Variants in TAB2 observed in about 807,000 individuals in gnomAD.
TAB2 encodes TGF-beta activated kinase 1 (MAP3K7) binding protein 2, also known as TGF-beta-activated kinase 1 and MAP3K7-binding protein 2.
A neutral mutation model predicts 65.0 loss-of-function variants in TAB2; 3 were observed. The observed-to-expected ratio is 0.05, with a 90% CI of 0.02 to 0.12. The LOEUF (loss-of-function observed/expected upper bound fraction) is 0.12, where lower values mean the gene tolerates loss of function less well. TAB2 is among the 10% of genes least tolerant of loss of function. TAB2 has a pLI of 1.00. For missense variants in TAB2, 623 were observed against 840.3 expected, an observed-to-expected ratio of 0.74 and a Z score of 3.20; for synonymous variants, 298 against 285.1, an observed-to-expected ratio of 1.05 and a Z score of -0.46.
chr6:149,382,407 C>T (rs1583144484), intron 3 of TAB2, among the ~76,000 whole-genome samples: 1 of 152,086 alleles, frequency 6.6e-6, no homozygotes, highest in East Asian at 1.9e-4. Flanking sequence ...ACCAGCCTGG[C>T]CAACAGGGTG....
intron 3 of TAB2, among the ~76,000 whole-genome samples, chr6:149,383,811 G>C (rs1032876831): frequency 1.4e-4 from 21 of 152,146 alleles, no homozygotes; most frequent in African/African-American, 5.1e-4. Flanking sequence ...TCGAACTCCT[G>C]ACCTCAGGCA....
At chr6:149,301,536 C>G (rs1191737626) in intron 1 of TAB2, among the ~76,000 whole-genome samples, 1 of 152,190 alleles carries the variant, frequency 6.6e-6, no homozygotes, top group Non-Finnish European at 1.5e-5. Flanking sequence ...ATACATTCAT[C>G]AAGAAAGCAT....
intron 2 of TAB2, among the ~76,000 whole-genome samples, chr6:149,376,993 CAAGTT>C (rs1427419369): frequency 6.7e-6 from 1 of 150,298 alleles, no homozygotes; most frequent in Non-Finnish European, 1.5e-5. Flanking sequence ...AGGGATTACA[CAAGTT>C]AAGAGGAAGC....
At chr6:149,367,406 A>G (rs776021824) in intron 1 of TAB2, among the ~76,000 whole-genome samples, 3 of 152,132 alleles carry the variant, frequency 2.0e-5, no homozygotes, top group Non-Finnish European at 4.4e-5. Context: ...GCCCTAAGGG[A>G]AGAACAAGAG....
chr6:149,328,585 C>T (rs481769), intron 1 of TAB2, among the ~76,000 whole-genome samples: 18,592 of 152,186 alleles, frequency 0.12, 1,739 homozygotes, highest in East Asian at 0.51. Flanking sequence ...AGCCACCGCA[C>T]CCGGCCTCTA....
chr6:149,246,308 C>A (rs1326301816), intron 1 of TAB2: 2 of 152,170 alleles, frequency 1.3e-5, no homozygotes, highest in African/African-American at 2.4e-5. Flanking sequence ...TCTGTTCAGG[C>A]CTAAAATTTC....
intron 1 of TAB2, among the ~76,000 whole-genome samples, chr6:149,359,767 G>C (rs1377483162): frequency 6.6e-6 from 1 of 152,112 alleles, no homozygotes; most frequent in Admixed American, 6.5e-5. Flanking sequence ...TGGCACCAGG[G>C]AATTTTTTTC....
intron 1 of TAB2, among the ~76,000 whole-genome samples, chr6:149,268,580 T>C (rs187760229): frequency 6.6e-6 from 1 of 152,308 alleles, no homozygotes; most frequent in East Asian, 1.9e-4. Context: ...CTCGGAGCAA[T>C]TGGACTTAGT....
chr6:149,246,677 T>A (rs1423932128), intron 1 of TAB2: 1 of 152,086 alleles, frequency 6.6e-6, no homozygotes, highest in Non-Finnish European at 1.5e-5. Flanking sequence ...TGGGCGCTCT[T>A]TTTTGTATGA....
chr6:149,395,200 T>C (rs1215486382), intron 3 of TAB2, among the ~76,000 whole-genome samples: 3 of 152,382 alleles, frequency 2.0e-5, no homozygotes, highest in East Asian at 1.9e-4. Flanking sequence ...CCTCAACTTA[T>C]TAAAATAATA....
At chr6:149,227,458 A>G (rs956234523) in intron 1 of TAB2, among the ~76,000 whole-genome samples, 2 of 152,110 alleles carry the variant, frequency 1.3e-5, no homozygotes, top group African/African-American at 4.8e-5. Flanking sequence ...CAAGAGAAAG[A>G]GCGTCATGTT....
At chr6:149,304,857 G>A (rs1779033837) in intron 1 of TAB2, among the ~76,000 whole-genome samples, 1 of 152,014 alleles carries the variant, frequency 6.6e-6, no homozygotes, top group South Asian at 2.1e-4. Flanking sequence ...AAATGCTCAA[G>A]TCCCTTATAT....
intron 1 of TAB2, among the ~76,000 whole-genome samples, chr6:149,367,901 C>CT (rs1245899335): frequency 6.6e-6 from 1 of 151,938 alleles, no homozygotes; most frequent in Non-Finnish European, 1.5e-5. Flanking sequence ...ACATACTGAG[C>CT]TTGAAATAAG....
In TAB2 at chr6:149,403,349, C is replaced by T. The variant is rs1204715709; in HGVS notation, c.1939+4165C>T. Among the ~76,000 whole-genome samples the T allele has an allele frequency of 5.3e-4, 47 of 89,352 alleles. No homozygotes were observed. In the Middle Eastern group the frequency reaches 0.018, roughly 34 times the overall value. 58.6% of individuals were successfully genotyped at this position (89,352 alleles called of 152,430 possible). On this transcript the variant is annotated intron_variant, in intron 6 of 6. Coordinates refer to ENST00000637181, the MANE Select transcript of TAB2 (RefSeq NM_001292034.3). Reference sequence around the variant, plus strand: ...ATATATACATATATATACACACACACACACACACACACACACACACACACA... The same window carrying T: ...ATATATACATATATATACACACACATACACACACACACACACACACACACA...
chr6:149,237,631 T>C (rs1163839670), intron 1 of TAB2, among the ~76,000 whole-genome samples: 1 of 152,116 alleles, frequency 6.6e-6, no homozygotes, highest in Non-Finnish European at 1.5e-5. Flanking sequence ...CCCTCATCCG[T>C]CCTCTAGGCG....
At chr6:149,396,023 C>G (rs1406972183) in intron 3 of TAB2, among the ~76,000 whole-genome samples, 1 of 151,998 alleles carries the variant, frequency 6.6e-6, no homozygotes, top group African/African-American at 2.4e-5. Flanking sequence ...TCTGTCTCCC[C>G]CTACCCGCCC....
rs182155528 is a variant in TAB2, at chr6:149,295,260, T to C, written c.-121+76484T>C. 2.0e-3 allele frequency among the ~76,000 whole-genome samples: 307 copies of C among 152,338 alleles called. 2 individuals are homozygous for C. Among genetic ancestry groups the C allele is most frequent in the Non-Finnish European group, 3.2e-3 (220 of 68,028 alleles). The stretch of plus-strand genomic sequence containing the variant: ...ATCTCTCCTTTGAAGATAATCTGTC[T>C]TTTTTTCTGTACTAAGACTTCTTTT... On this transcript the variant is annotated intron_variant, in intron 1 of 1. Transcript: ENST00000606202.
At chr6:149,404,700 A>G (rs923120395) in intron 6 of TAB2, among the ~76,000 whole-genome samples, 40 of 152,310 alleles carry the variant, frequency 2.6e-4, no homozygotes, top group Admixed American at 1.3e-4. Flanking sequence ...TCTTCAGTAA[A>G]TGGATATTCA....
chr6:149,307,931 T>A (rs1211265602), intron 1 of TAB2, among the ~76,000 whole-genome samples: 1 of 152,236 alleles, frequency 6.6e-6, no homozygotes, highest in Non-Finnish European at 1.5e-5. Flanking sequence ...CATACCCACA[T>A]TCAGACAAAC....
Sources: gnomAD v4.1 joint callset for allele counts (sites outside exome capture counted in the v4.1 genomes callset) on GRCh38, gnomAD v4.1.1 for gene constraint, MANE v1.5 for transcripts, NCBI Gene and HGNC (gene_info 2026-07-23, HGNC 2026-07-21) for gene names.